The following ATRNL1 variants were observed in gnomAD, a reference collection of about 807,000 sequenced individuals.
The protein encoded by ATRNL1 is attractin like 1, also known as attractin-like protein 1.
Under a neutral mutation model 182.7 loss-of-function variants are expected in ATRNL1, and 95 were observed. The ratio of observed to expected loss-of-function variants is 0.52; its 90% CI spans 0.44 to 0.62. The LOEUF is 0.62. ATRNL1 is among the 20% of genes least tolerant of loss of function. The pLI is 0.00. For synonymous variants in ATRNL1, 576 were observed against 568.3 expected, an observed-to-expected ratio of 1.01 and a Z score of -0.19; for missense variants, 1,471 against 1,679.5, an observed-to-expected ratio of 0.88 and a Z score of 2.17.
At chr10:115,165,705 TA>T (rs1847009295) in intron 7 of ATRNL1, 60 bp downstream of exon 7, 9 of 828,478 alleles carry the variant, frequency 1.1e-5, no homozygotes, top group South Asian at 2.2e-5. Flanking sequence ...TACCACAGGC[TA>T]AAAAATACTA....
chr10:115,194,773 T>C (rs1848296127), intron 8 of ATRNL1, among the ~76,000 whole-genome samples: 1 of 151,978 alleles, frequency 6.6e-6, no homozygotes, highest in Non-Finnish European at 1.5e-5. Context: ...CTTTTTTCCT[T>C]CTGAATTCCT....
At chr10:115,226,435 A>G (rs781854527) in intron 9 of ATRNL1, among the ~76,000 whole-genome samples, 4 of 152,068 alleles carry the variant, frequency 2.6e-5, no homozygotes, top group Non-Finnish European at 5.9e-5. Flanking sequence ...AAAGTCAGTA[A>G]GAACACAAAC....
intron 27 of ATRNL1, among the ~76,000 whole-genome samples, chr10:115,801,895 G>A (rs181883272): frequency 2.6e-4 from 39 of 151,856 alleles, no homozygotes; most frequent in Admixed American, 5.9e-4. Flanking sequence ...GAAACCTTCA[G>A]CTTGTGTGTC....
At chr10:115,539,588 TC>T (rs1852234674) in intron 25 of ATRNL1, among the ~76,000 whole-genome samples, 2 of 152,188 alleles carry the variant, frequency 1.3e-5, no homozygotes, top group South Asian at 4.1e-4. Context: ...GTCCTCTAGT[TC>T]TGGCCCATGA....
intron 21 of ATRNL1, among the ~76,000 whole-genome samples, chr10:115,432,410 G>C (rs1473931690): frequency 6.6e-6 from 1 of 151,986 alleles, no homozygotes; most frequent in African/African-American, 2.4e-5. Context: ...TGGCACTCTT[G>C]GTATTGCTGT....
chr10:115,315,471 G>T (rs1409193099), intron 17 of ATRNL1, 47 bp from the exon 18 acceptor site: 3 of 1,303,530 alleles, frequency 2.3e-6, no homozygotes, highest in Non-Finnish European at 2.2e-6. Context: ...AATTCTGTTT[G>T]AATATATAGT....
chr10:115,744,733 A>T (rs533499871), intron 27 of ATRNL1, among the ~76,000 whole-genome samples: 223 of 152,284 alleles, frequency 1.5e-3, no homozygotes, highest in African/African-American at 5.2e-3. Flanking sequence ...ATGCACGCAT[A>T]ATACATATAC....
intron 26 of ATRNL1, among the ~76,000 whole-genome samples, chr10:115,593,470 G>T (rs1199332475): frequency 6.6e-6 from 1 of 152,146 alleles, no homozygotes; most frequent in East Asian, 1.9e-4. Context: ...TTTGGCAAAG[G>T]TGACAAGAAC....
intron 20 of ATRNL1, among the ~76,000 whole-genome samples, chr10:115,405,913 G>C (rs538977687): frequency 2.2e-5 from 3 of 136,960 alleles, no homozygotes; most frequent in East Asian, 4.3e-4. Flanking sequence ...TCATTGTTCA[G>C]TTCCCACCTA....
At chr10:115,230,184 T>C (rs1359642910) in intron 9 of ATRNL1, among the ~76,000 whole-genome samples, 1 of 152,222 alleles carries the variant, frequency 6.6e-6, no homozygotes, top group African/African-American at 2.4e-5. Context: ...GCTCTGGAGA[T>C]ATATTTTAAT....
chr10:115,170,925 C>A, intron 7 of ATRNL1, 112 bp from the exon 8 acceptor site: 1 of 549,770 alleles, frequency 1.8e-6, no homozygotes, highest in South Asian at 6.1e-5. Flanking sequence ...ATGCCTTATG[C>A]ATGTTGTGAA....
chr10:115,745,722 A>G (rs192155403), intron 27 of ATRNL1, among the ~76,000 whole-genome samples: 138 of 152,244 alleles, frequency 9.1e-4, no homozygotes, highest in African/African-American at 2.9e-3. Context: ...AAAAACTGCA[A>G]TTACTTTTGC....
intron 26 of ATRNL1, among the ~76,000 whole-genome samples, chr10:115,553,172 G>A (rs527646174): frequency 7.9e-5 from 12 of 151,284 alleles, no homozygotes; most frequent in South Asian, 4.1e-4. Context: ...TTTGGCTATC[G>A]TGTGAAAATA....
rs538719262 is a variant in ATRNL1 at position 115,559,450 on chromosome 10, G to A, written c.3795+9914G>A. Among the ~76,000 whole-genome samples, 715 of 128,614 alleles carry A rather than the reference G, an allele frequency of 5.6e-3. 9 individuals are homozygous for A. Among genetic ancestry groups the A allele is most frequent in the African/African-American group, 0.022 (664 of 30,512 alleles). The allele number at this position is 128,614 out of a possible 152,430, so 84.4% of individuals were successfully genotyped here. ...TGTGTGTGTGTGTGTGTGTGCGCGC[G>A]CGCACGCACGCACATGCGCAACCCT... On this transcript the variant is annotated intron_variant, in intron 26 of 28. Coordinates refer to ENST00000355044, the MANE Select transcript of ATRNL1 (RefSeq NM_207303.4).
intron 28 of ATRNL1, among the ~76,000 whole-genome samples, chr10:115,867,343 A>G (rs1951462537): frequency 2.6e-5 from 4 of 152,202 alleles, no homozygotes; most frequent in African/African-American, 7.2e-5. Flanking sequence ...TAGGAATACC[A>G]AGCAACTAAC....
chr10:115,368,642 A>T lies in ATRNL1; in HGVS notation c.3176-26017A>T, dbSNP rs551892468. Among the ~76,000 whole-genome samples the T allele has an allele frequency of 5.3e-5, 8 of 151,592 alleles. No individual in the cohort carries two copies. In the East Asian group the frequency reaches 1.6e-3, roughly 29 times the overall value. ...CTTTGTACATTTTGACCATCTCCTC[A>T]TTTCCCATCCCCTTTTCCACACCAG... On this transcript the variant is annotated intron_variant, in intron 19 of 28. Transcript: ENST00000355044.
At position 115,140,990 on chromosome 10, in the gene ATRNL1, C is replaced by A. The variant is rs1331458972; in HGVS notation, c.829+11455C>A. On this transcript the variant is annotated intron_variant, in intron 5 of 28. Coordinates refer to ENST00000355044, the MANE Select transcript of ATRNL1 (RefSeq NM_207303.4). ...ATATTCTAAGTCCAGGTCAGATCCC[C>A]CTGTAATATGCTGTCATAAGACCCT... is the stretch of plus-strand genomic sequence containing the variant. Among the ~76,000 whole-genome samples the A allele has an allele frequency of 2.0e-5, 3 of 152,184 alleles. No individual in the cohort carries two copies. The South Asian group carries it at 6.2e-4, about 32-fold the overall frequency.
intron 26 of ATRNL1, among the ~76,000 whole-genome samples, chr10:115,600,980 A>G (rs1856562487): frequency 7.0e-6 from 1 of 142,430 alleles, no homozygotes; most frequent in Non-Finnish European, 1.5e-5. Context: ...TTCTAGAACC[A>G]TTGTCGAAAA....
intron 1 of ATRNL1, among the ~76,000 whole-genome samples, chr10:115,104,335 GTCT>G (rs1352772724): frequency 4.6e-5 from 7 of 152,104 alleles, no homozygotes; most frequent in African/African-American, 1.2e-4. Context: ...ACATTGGTAT[GTCT>G]TCTTTTGAGA....
Sources: allele counts gnomAD v4.1 joint callset (sites outside exome capture counted in the v4.1 genomes callset), GRCh38; gene constraint gnomAD v4.1.1; transcripts MANE v1.5; gene names NCBI Gene and HGNC (gene_info 2026-07-23, HGNC 2026-07-21).